MYO18A: variants seen among roughly 807,000 people sequenced by gnomAD.
The protein encoded by MYO18A is unconventional myosin-XVIIIa.
Under a neutral mutation model 235.8 loss-of-function variants are expected in MYO18A, and 78 were observed. The ratio of observed to expected loss-of-function variants is 0.33; its 90% CI spans 0.28 to 0.40. MYO18A has a LOEUF of 0.40. Ranked by LOEUF, MYO18A falls within the 10% of genes least tolerant of loss-of-function variation. The pLI is 1.00. For synonymous variants in MYO18A, 977 were observed against 1,077.8 expected (o/e 0.91, Z 1.83); for missense variants, 2,215 against 2,699.3 (o/e 0.82, Z 3.98).
At chr17:29,149,472 G>A (rs1373060910) in intron 2 of MYO18A, among the ~76,000 whole-genome samples, 1 of 152,134 alleles carries the variant, frequency 6.6e-6, no homozygotes, top group African/African-American at 2.4e-5. Flanking sequence ...TTGGGGCTCT[G>A]ACACTCCCCC....
At chr17:29,076,159 T>C (rs2065971216) in intron 41 of MYO18A, 1 of 153,550 alleles carries the variant, frequency 6.5e-6, no homozygotes, top group South Asian at 2.1e-4. Context: ...GCATGTGAGA[T>C]AGGCTATCTT....
chr17:29,173,689 C>T (rs572907873), intron 1 of MYO18A, among the ~76,000 whole-genome samples: 1 of 152,168 alleles, frequency 6.6e-6, no homozygotes, highest in Non-Finnish European at 1.5e-5. Flanking sequence ...CCCGGCCTGC[C>T]GTTACTTTTT....
chr17:29,139,432 C>G (rs996795512), intron 2 of MYO18A, among the ~76,000 whole-genome samples: 5 of 152,144 alleles, frequency 3.3e-5, no homozygotes, highest in African/African-American at 1.2e-4. Flanking sequence ...TCTCCCCCAC[C>G]CCCGGGCATA....
intron 8 of MYO18A, 58 bp downstream of exon 8, chr17:29,119,276 GA>G: frequency 1.5e-6 from 2 of 1,321,614 alleles, no homozygotes; most frequent in South Asian, 1.3e-5. Context: ...CAAGGTCCAG[GA>G]GCCCAGTCAG....
At position 29,106,673 on chromosome 17, in the gene MYO18A, G is replaced by A. The variant is rs1442619094; in HGVS notation, c.3441+407C>T. Among the ~76,000 whole-genome samples the A allele has an allele frequency of 6.6e-6, 1 of 152,328 alleles. No individual in the cohort carries two copies. Among genetic ancestry groups the A allele is most frequent in the East Asian group, 1.9e-4 (1 of 5,186 alleles). On this transcript the variant is annotated intron_variant, in intron 20 of 41. Coordinates refer to ENST00000527372, the MANE Select transcript of MYO18A (RefSeq NM_078471.4). This position sits in a 1 kb window ranked among gnomAD's most constrained non-coding sequence, Gnocchi z 4.6. ...CCTATGTTCACCTGGCACCACGGAG[G>A]TCTCACCATATCCACCTTCCTTCTA...
intron 2 of MYO18A, among the ~76,000 whole-genome samples, chr17:29,153,804 T>A (rs1458369561): frequency 6.6e-6 from 1 of 152,206 alleles, no homozygotes; most frequent in Non-Finnish European, 1.5e-5. Context: ...GCAGCAGTTT[T>A]GGGATTTTGA....
At chr17:29,122,677 C>T (rs1176580710) in intron 2 of MYO18A, among the ~76,000 whole-genome samples, 1 of 152,262 alleles carries the variant, frequency 6.6e-6, no homozygotes, top group African/African-American at 2.4e-5. Context: ...CTAGGATCTT[C>T]CGTGCCCAGC....
intron 14 of MYO18A, 135 bp from the exon 15 acceptor site, chr17:29,114,232 T>A (rs760305159): frequency 1.4e-5 from 9 of 646,388 alleles, no homozygotes; most frequent in African/African-American, 3.7e-5. Flanking sequence ...CCCTCCATCA[T>A]CCCAAATGAA....
At chr17:29,136,998 A>C (rs1388175) in intron 2 of MYO18A, 87,795 of 152,096 alleles carry the variant, frequency 0.58, 25,879 homozygotes, top group East Asian at 0.89. Context: ...GAGAGACCAA[A>C]ACTCACTGAA....
chr17:29,114,407 A>G, intron 14 of MYO18A: 1 of 351,476 alleles, frequency 2.8e-6, no homozygotes, highest in Non-Finnish European at 5.2e-6. Flanking sequence ...ACACTTGAAG[A>G]CAACTGCCAT....
At position 29,110,152 on chromosome 17, in the gene MYO18A, G is replaced by C. The variant is rs662954; in HGVS notation, c.3088-51C>G. 1.9e-6 allele frequency: 3 copies of C among 1,581,350 alleles called. No homozygotes were observed. The Admixed American group carries it at 5.1e-5, about 27-fold the overall frequency. On this transcript the variant is annotated intron_variant, in intron 18 of 41. Transcript: ENST00000527372. ...AGTGGGCTCTGATGGCCTGTGCTCA[G>C]AAGAGCAGGGACTGGTGCCAGCGTC...
At chr17:29,161,870 A>G (rs754423237) in intron 2 of MYO18A, among the ~76,000 whole-genome samples, 15 of 152,228 alleles carry the variant, frequency 9.9e-5, no homozygotes, top group Non-Finnish European at 1.6e-4. Context: ...AACTTTACCA[A>G]CATCTCCCCT....
chr17:29,116,949 A>C (rs2067087680), intron 10 of MYO18A, among the ~76,000 whole-genome samples: 1 of 151,122 alleles, frequency 6.6e-6, no homozygotes, highest in Non-Finnish European at 1.5e-5. Context: ...TCTCGAGAAA[A>C]CTTCTCTAAC....
In MYO18A at chr17:29,176,191, T is replaced by TA. The variant is rs376689790; in HGVS notation, c.-82+4121dup. Among the ~76,000 whole-genome samples the TA allele has an allele frequency of 3.1e-3, 461 of 151,088 alleles. 2 individuals carry two copies. The highest frequency in any genetic ancestry group is 1.0e-2 in the African/African-American group (412 of 41,216). On this transcript the variant is annotated intron_variant, in intron 1 of 41. Coordinates refer to ENST00000527372, the MANE Select transcript of MYO18A (RefSeq NM_078471.4). ...CTAATGATTCAACTTTTTTCCAGAC[T>TA]AAAAAAAAATGGACAAACTAGTAGG... is the stretch of plus-strand genomic sequence containing the variant.
rs11869198 is a variant in MYO18A at position 29,090,319 on chromosome 17, G to A, written c.5388+213C>T. Among the ~76,000 whole-genome samples, 61,145 of 152,124 alleles carry A rather than the reference G, an allele frequency of 0.4. 13,273 individuals carry two copies. Among genetic ancestry groups the A allele is most frequent in the East Asian group, 0.84 (4,350 of 5,168 alleles). On this transcript the variant is annotated intron_variant, in intron 36 of 41. Transcript: ENST00000527372. ...GAGAGAAAGGAGAAAGCTAAGGATC[G>A]GAGAGGGAATACAGATGGGAAATGA...
chr17:29,136,525 A>T (rs889870020), intron 2 of MYO18A, among the ~76,000 whole-genome samples: 5 of 152,208 alleles, frequency 3.3e-5, no homozygotes, highest in African/African-American at 9.7e-5. Flanking sequence ...TGGAGCACCT[A>T]CAATGAGATG....
Position 29,140,386 on chromosome 17 carries a change from T to A in MYO18A, c.1000-18133A>T. 7.8e-7 allele frequency: 1 copy of A among 1,284,484 alleles called. No homozygotes were observed. The highest frequency in any genetic ancestry group is 5.7e-5 in the East Asian group (1 of 17,584). 79.6% of individuals were successfully genotyped at this position (1,284,484 alleles called of 1,614,324 possible). A position where few individuals can be genotyped will look rare whatever the true frequency, so the allele number is the denominator to read the frequency against. ...AGCCCAGAGCAAGGAGACTCCGCTC[T>A]GATGCTGCTCTGGCTCCGTTAGCAG... On this transcript the variant is annotated intron_variant, in intron 2 of 41. Coordinates refer to ENST00000527372, the MANE Select transcript of MYO18A (RefSeq NM_078471.4). The surrounding 1 kb of genome is among the most constrained non-coding windows in gnomAD (Gnocchi z 4.2).
At position 29,122,300 on chromosome 17, in the gene MYO18A, G is replaced by C. The variant is rs967569934; in HGVS notation, c.1000-47C>G. The C allele has an allele frequency of 2.6e-6, 4 of 1,549,388 alleles. No individual in the cohort carries two copies. In the Admixed American group the frequency reaches 5.6e-5, roughly 22 times the overall value. On this transcript the variant is annotated intron_variant, in intron 2 of 41. Transcript: ENST00000527372. ...AAACAGGCCCTGCTATGGAAGACAG[G>C]GACAAGGACAGCCGTAGAGGGGAGA...
intron 2 of MYO18A, among the ~76,000 whole-genome samples, chr17:29,154,465 A>G (rs529631466): frequency 1.3e-5 from 2 of 152,336 alleles, no homozygotes; most frequent in East Asian, 1.9e-4. Context: ...TGCCAGGGCA[A>G]TCGGGGCTCT....
Sources: allele counts gnomAD v4.1 joint callset (sites outside exome capture counted in the v4.1 genomes callset), GRCh38; gene constraint gnomAD v4.1.1; non-coding constraint Gnocchi (gnomAD v3.1); transcripts MANE v1.5; gene names NCBI Gene and HGNC (gene_info 2026-07-23, HGNC 2026-07-21).